Variants in SHANK2 observed in about 807,000 individuals in gnomAD.
The protein encoded by SHANK2 is SH3 and multiple ankyrin repeat domains protein 2.
A neutral mutation model predicts 133.7 loss-of-function variants in SHANK2; 43 were observed. The observed-to-expected ratio is 0.32, with a 90% CI of 0.25 to 0.41. The LOEUF is 0.41. SHANK2 is among the 10% of genes least tolerant of loss of function. SHANK2 has a pLI of 1.00. For missense variants in SHANK2, 1,994 were observed against 2,235.8 expected (o/e 0.89, Z 2.18); for synonymous variants, 1,017 against 952.8 (o/e 1.07, Z -1.24).
chr11:70,757,405 C>T (rs893544213), intron 14 of SHANK2, among the ~76,000 whole-genome samples: 9 of 152,252 alleles, frequency 5.9e-5, no homozygotes, highest in Non-Finnish European at 1.2e-4. Flanking sequence ...TGGCCCCTAG[C>T]TGGCATCTGG....
At chr11:70,801,960 G>A (rs535270361) in intron 13 of SHANK2, among the ~76,000 whole-genome samples, 18 of 152,226 alleles carry the variant, frequency 1.2e-4, no homozygotes, top group Admixed American at 3.3e-4. Context: ...GATGAGAATC[G>A]TCCCAGCCAA....
At chr11:70,764,544 C>CCCAT (rs1159360100) in intron 14 of SHANK2, among the ~76,000 whole-genome samples, 6 of 150,790 alleles carry the variant, frequency 4.0e-5, no homozygotes, top group Admixed American at 6.6e-5. Context: ...CATCCACCCA[C>CCCAT]CCATCCATCC....
At chr11:70,505,068 T>A (rs1234619718) in intron 17 of SHANK2, among the ~76,000 whole-genome samples, 1 of 151,744 alleles carries the variant, frequency 6.6e-6, no homozygotes, top group Non-Finnish European at 1.5e-5. Context: ...CACAAAGAAG[T>A]GAACACATAA....
intron 17 of SHANK2, among the ~76,000 whole-genome samples, chr11:70,609,841 A>ATCT (rs2060636233): frequency 6.7e-6 from 1 of 148,702 alleles, no homozygotes; most frequent in East Asian, 2.1e-4. Flanking sequence ...TACAATATGG[A>ATCT]ATATGTATAT....
chr11:71,207,966 A>C (rs1232492059), intron 2 of SHANK2, among the ~76,000 whole-genome samples: 1 of 151,078 alleles, frequency 6.6e-6, no homozygotes, highest in Non-Finnish European at 1.5e-5. Context: ...TTCCACTGCA[A>C]AAAAAAAAGA....
At chr11:70,630,277 C>A (rs1027930049) in intron 17 of SHANK2, among the ~76,000 whole-genome samples, 1 of 152,190 alleles carries the variant, frequency 6.6e-6, no homozygotes, top group Non-Finnish European at 1.5e-5. Flanking sequence ...GGTCCCAGGC[C>A]CCAGAAGGCT....
At chr11:70,872,908 G>A in intron 11 of SHANK2, 1 of 435,870 alleles carries the variant, frequency 2.3e-6, no homozygotes, top group Admixed American at 2.5e-5. Context: ...GCTCCTCGGG[G>A]CAGGAGGAGC....
At chr11:70,915,629 G>A (rs184291560) in intron 10 of SHANK2, among the ~76,000 whole-genome samples, 25 of 152,258 alleles carry the variant, frequency 1.6e-4, no homozygotes, top group African/African-American at 6.0e-4. Context: ...CGAGAGCATG[G>A]CTGCAAGGTC....
intron 17 of SHANK2, among the ~76,000 whole-genome samples, chr11:70,597,270 C>T (rs1272640921): frequency 6.6e-6 from 1 of 152,294 alleles, no homozygotes; most frequent in African/African-American, 2.4e-5. Flanking sequence ...TGCCCCCCGC[C>T]TTTGAGCTAC....
At chr11:70,738,068 G>A (rs975352628) in intron 14 of SHANK2, among the ~76,000 whole-genome samples, 11 of 152,228 alleles carry the variant, frequency 7.2e-5, no homozygotes, top group African/African-American at 1.4e-4. Context: ...CCCGCAAGAC[G>A]GTGGCAAGAG....
At chr11:70,802,127 C>T (rs1381190118) in intron 13 of SHANK2, among the ~76,000 whole-genome samples, 5 of 152,236 alleles carry the variant, frequency 3.3e-5, no homozygotes, top group South Asian at 2.1e-4. Context: ...ACATACGGCA[C>T]GGCTGGGGGC....
chr11:70,577,082 C>T (rs1343260965), intron 17 of SHANK2, among the ~76,000 whole-genome samples: 1 of 152,170 alleles, frequency 6.6e-6, no homozygotes, highest in Non-Finnish European at 1.5e-5. Flanking sequence ...CCCCAGTGTC[C>T]CCAGCCCCAC....
intron 17 of SHANK2, among the ~76,000 whole-genome samples, chr11:70,537,534 G>A (rs1554974362): frequency 6.6e-6 from 1 of 152,228 alleles, no homozygotes; most frequent in African/African-American, 2.4e-5. Flanking sequence ...AGAAGTGGCA[G>A]GAGGCCTCCT....
At chr11:71,082,599 C>A (rs1034640527) in intron 8 of SHANK2, among the ~76,000 whole-genome samples, 3 of 152,144 alleles carry the variant, frequency 2.0e-5, no homozygotes, top group Admixed American at 6.5e-5. Context: ...GGACCCAGAA[C>A]GACATAACGT....
intron 8 of SHANK2, among the ~76,000 whole-genome samples, chr11:71,079,766 GA>G (rs1268870435): frequency 6.8e-6 from 1 of 147,350 alleles, no homozygotes; most frequent in Non-Finnish European, 1.5e-5. Context: ...AGAAAAGAGA[GA>G]AAGAAAGAGA....
intron 11 of SHANK2, among the ~76,000 whole-genome samples, chr11:70,834,491 AG>A (rs1555059478): frequency 6.6e-6 from 1 of 152,220 alleles, no homozygotes; most frequent in East Asian, 1.9e-4. Context: ...GCGGGGGCCA[AG>A]CCAGGAGCAG....
chr11:70,803,988 A>G (rs1182500116), intron 13 of SHANK2, among the ~76,000 whole-genome samples: 1 of 152,052 alleles, frequency 6.6e-6, no homozygotes, highest in Non-Finnish European at 1.5e-5. Flanking sequence ...GGAGATGTAA[A>G]TTAACCTTCT....
At chr11:71,211,450 A>T (rs1555118880) in intron 2 of SHANK2, among the ~76,000 whole-genome samples, 1 of 151,868 alleles carries the variant, frequency 6.6e-6, no homozygotes, top group Non-Finnish European at 1.5e-5. Context: ...AGGCGAGAGA[A>T]TCACTTCAGC....
intron 17 of SHANK2, among the ~76,000 whole-genome samples, chr11:70,576,953 A>G (rs558850413): frequency 1.3e-5 from 2 of 152,278 alleles, no homozygotes; most frequent in African/African-American, 4.8e-5. Flanking sequence ...CTCTAGAAAT[A>G]ATGAGTATCA....
Sources: gnomAD v4.1 joint callset for allele counts (sites outside exome capture counted in the v4.1 genomes callset) on GRCh38, gnomAD v4.1.1 for gene constraint, MANE v1.5 for transcripts, NCBI Gene and HGNC (gene_info 2026-07-23, HGNC 2026-07-21) for gene names.